DTNA: variants seen among roughly 807,000 people sequenced by gnomAD.
The protein encoded by DTNA is dystrophin-related protein 3.
In DTNA, 43 loss-of-function variants were observed where a neutral mutation model predicts 100.7. The observed-to-expected ratio is 0.43, with a 90% CI of 0.33 to 0.55. The LOEUF (loss-of-function observed/expected upper bound fraction) is 0.55. Ranked by LOEUF, DTNA falls within the 20% of genes least tolerant of loss-of-function variation. The pLI is 0.04. For synonymous variants in DTNA, 349 were observed against 347.9 expected, an observed-to-expected ratio of 1.00 and a Z score of -0.04; for missense variants, 798 against 953.9, an observed-to-expected ratio of 0.84 and a Z score of 2.15.
At chr18:34,816,987 C>T (rs1056021280) in intron 7 of DTNA, among the ~76,000 whole-genome samples, 2 of 152,104 alleles carry the variant, frequency 1.3e-5, no homozygotes, top group Non-Finnish European at 1.5e-5. Flanking sequence ...TATGCAGAAG[C>T]GAAGAGCAAT....
rs1487912077 is a variant in DTNA at position 34,881,162 on chromosome 18, A to G, written c.2163-907A>G. 2.0e-5 allele frequency among the ~76,000 whole-genome samples: 3 copies of G among 152,236 alleles called. No individual in the cohort carries two copies. In the East Asian group the frequency reaches 5.8e-4, roughly 29 times the overall value. On this transcript the variant is annotated intron_variant, in intron 20 of 22. Coordinates refer to ENST00000444659, the MANE Select transcript of DTNA (RefSeq NM_001386795.1). ...CAGAACATGTTGTACAGCTATAAAT[A>G]AACGCAAACAACGACATTTAAGTTC...
intron 4 of DTNA, among the ~76,000 whole-genome samples, chr18:34,805,600 C>CT (rs2095340714): frequency 2.6e-5 from 4 of 152,140 alleles, no homozygotes; most frequent in Non-Finnish European, 5.9e-5. Context: ...GCTAGGATTA[C>CT]AGACGTAAGC....
At chr18:34,678,108 G>A (rs1032528523) in intron 1 of DTNA, among the ~76,000 whole-genome samples, 19 of 152,106 alleles carry the variant, frequency 1.2e-4, no homozygotes, top group African/African-American at 4.6e-4. Context: ...ACAGCATGGG[G>A]ATAACAGCCC....
chr18:34,601,005 C>T (rs547665043), intron 1 of DTNA, among the ~76,000 whole-genome samples: 3 of 152,212 alleles, frequency 2.0e-5, no homozygotes, highest in Non-Finnish European at 4.4e-5. Context: ...TAATATGATC[C>T]TACCATTGGC....
At chr18:34,761,293 TA>T (rs1262096328) in intron 2 of DTNA, among the ~76,000 whole-genome samples, 1 of 152,230 alleles carries the variant, frequency 6.6e-6, no homozygotes, top group Non-Finnish European at 1.5e-5. Flanking sequence ...TCAAAATGGC[TA>T]TATATTAATA....
chr18:34,603,930 C>CA (rs998523867), intron 1 of DTNA, among the ~76,000 whole-genome samples: 3 of 151,556 alleles, frequency 2.0e-5, no homozygotes, highest in African/African-American at 4.8e-5. Context: ...TATTGAGTTT[C>CA]AAAAAAAAGC....
intron 1 of DTNA, among the ~76,000 whole-genome samples, chr18:34,545,494 A>C (rs2044683293): frequency 1.3e-5 from 2 of 152,164 alleles, no homozygotes; most frequent in South Asian, 4.1e-4. Context: ...GTTAGCAACA[A>C]CAAAGAAGTA....
intron 22 of DTNA, 150 bp downstream of exon 22, chr18:34,884,926 G>GTC: frequency 2.1e-6 from 2 of 973,126 alleles, no homozygotes; most frequent in Non-Finnish European, 3.2e-6. Flanking sequence ...AGTCGTCTCA[G>GTC]TCTGTGGAGG....
chr18:34,537,229 T>C (rs926294324), intron 1 of DTNA, among the ~76,000 whole-genome samples: 1 of 152,050 alleles, frequency 6.6e-6, no homozygotes, highest in African/African-American at 2.4e-5. Flanking sequence ...CTAAAGTTAC[T>C]GTTAACTCAA....
At chr18:34,668,721 T>G (rs1050457694) in intron 1 of DTNA, among the ~76,000 whole-genome samples, 3 of 152,200 alleles carry the variant, frequency 2.0e-5, no homozygotes, top group African/African-American at 7.2e-5. Context: ...TCAGTTTCCA[T>G]GTAGTTGAGC....
At chr18:34,887,671 T>C (rs909584527) in intron 22 of DTNA, 95 bp from the exon 23 acceptor site, 4 of 953,928 alleles carry the variant, frequency 4.2e-6, no homozygotes, top group Non-Finnish European at 5.0e-6. Flanking sequence ...GCGCACTTTC[T>C]TCTATATTGG....
At chr18:34,550,269 AT>A (rs1568632554) in intron 1 of DTNA, among the ~76,000 whole-genome samples, 1 of 152,048 alleles carries the variant, frequency 6.6e-6, no homozygotes, top group Admixed American at 6.6e-5. Flanking sequence ...TTCTGTCAAC[AT>A]TTTTCATACA....
At chr18:34,542,197 TAGTA>T (rs1297263043) in intron 1 of DTNA, among the ~76,000 whole-genome samples, 2 of 152,098 alleles carry the variant, frequency 1.3e-5, no homozygotes, top group African/African-American at 2.4e-5. Flanking sequence ...CCTTATATTG[TAGTA>T]AGTGTCTACT....
chr18:34,573,516 A>G (rs12971071), intron 1 of DTNA, among the ~76,000 whole-genome samples: 15,589 of 152,250 alleles, frequency 0.1, 1,171 homozygotes, highest in African/African-American at 0.2. Flanking sequence ...TGCTATAACC[A>G]TTAATTGACA....
intron 21 of DTNA, among the ~76,000 whole-genome samples, chr18:34,884,202 C>T (rs1365641872): frequency 6.6e-6 from 1 of 152,186 alleles, no homozygotes; most frequent in African/African-American, 2.4e-5. Flanking sequence ...GAGCTCGTGT[C>T]ACCTTCTGTA....
chr18:34,701,192 A>C (rs1261335746), intron 1 of DTNA, among the ~76,000 whole-genome samples: 1 of 152,192 alleles, frequency 6.6e-6, no homozygotes. Context: ...TTCTAAAAAC[A>C]CAAAAAGTTG....
intron 1 of DTNA, among the ~76,000 whole-genome samples, chr18:34,715,521 C>T (rs571230325): frequency 7.9e-5 from 12 of 151,862 alleles, no homozygotes; most frequent in Admixed American, 3.9e-4. Context: ...ATATCTGAAA[C>T]CTGTTAATTT....
intron 3 of DTNA, among the ~76,000 whole-genome samples, chr18:34,768,004 C>T (rs997784953): frequency 1.2e-4 from 19 of 152,132 alleles, no homozygotes; most frequent in Admixed American, 1.1e-3. Flanking sequence ...CCACTGCTTG[C>T]GATAGGGGCC....
chr18:34,676,848 G>A (rs937148425), intron 1 of DTNA, among the ~76,000 whole-genome samples: 2 of 152,144 alleles, frequency 1.3e-5, no homozygotes, highest in Admixed American at 1.3e-4. Context: ...GAGAGAGGGA[G>A]AGAATGGAGA....
Sources: gnomAD v4.1 joint callset for allele counts (sites outside exome capture counted in the v4.1 genomes callset) on GRCh38, gnomAD v4.1.1 for gene constraint, MANE v1.5 for transcripts, NCBI Gene and HGNC (gene_info 2026-07-23, HGNC 2026-07-21) for gene names.